Variants in SFMBT2 observed in about 807,000 individuals in gnomAD.
SFMBT2 encodes the protein scm-like with four MBT domains protein 2.
A neutral mutation model predicts 110.1 loss-of-function variants in SFMBT2; 38 were observed. The observed-to-expected ratio is 0.35, with a 90% CI of 0.27 to 0.45. The LOEUF (loss-of-function observed/expected upper bound fraction) is 0.45, where lower values mean the gene tolerates loss of function less well. Among genes scored for constraint, SFMBT2 ranks in the 20% least tolerant of loss-of-function variants. The pLI is 1.00. For synonymous variants in SFMBT2, 425 were observed against 425.4 expected, an observed-to-expected ratio of 1.00 and a Z score of 0.01; for missense variants, 1,011 against 1,094.9, an observed-to-expected ratio of 0.92 and a Z score of 1.08.
intron 4 of SFMBT2, chr10:7,320,660 AC>A (rs1843157962): frequency 2.3e-5 from 22 of 940,658 alleles, no homozygotes; most frequent in Non-Finnish European, 2.7e-5. Context: ...AATAGGAAGC[AC>A]TTTTCATTTT....
intron 14 of SFMBT2, 105 bp from the exon 15 acceptor site, chr10:7,197,792 A>C: frequency 6.9e-7 from 1 of 1,453,652 alleles, no homozygotes; most frequent in Non-Finnish European, 9.1e-7. Context: ...AGGACCACAC[A>C]GAGCTGTCCG....
chr10:7,215,901 GT>G lies in SFMBT2; in HGVS notation c.1330+4509del, dbSNP rs151168372. On this transcript the variant is annotated intron_variant, in intron 11 of 20. Coordinates refer to ENST00000397167, the MANE Select transcript of SFMBT2 (RefSeq NM_001387889.1). Reference sequence around the variant, plus strand: ...CATCCCAGCCACCAGGAGCAGCTCAGTGCCTAAGACTTGAGCACATTCTCAA... The same window carrying G: ...CATCCCAGCCACCAGGAGCAGCTCAGGCCTAAGACTTGAGCACATTCTCAA... 6.5e-3 allele frequency: 1,123 copies of G among 171,574 alleles called. 17 individuals carry two copies. The highest frequency in any genetic ancestry group is 0.025 in the African/African-American group (1,065 of 41,920). The allele number at this position is 171,574 out of a possible 1,614,324, so 10.6% of individuals were successfully genotyped here. A position where few individuals can be genotyped will look rare whatever the true frequency, so the allele number is the denominator to read the frequency against.
At chr10:7,325,779 C>G (rs531176048) in intron 4 of SFMBT2, among the ~76,000 whole-genome samples, 3 of 152,058 alleles carry the variant, frequency 2.0e-5, no homozygotes. Context: ...TGGCTGCTAT[C>G]GGGTAACGGT....
rs71382101 is a variant in SFMBT2, at chr10:7,342,396, CTTTTTTT to C, written c.436+25246_436+25252del. ...ATTTAGGAATTGCACTGGAGTGAGT[CTTTTTTT>C]TTTTTTTTTTTTTTTTTTTTTTTGA... On this transcript the variant is annotated intron_variant, in intron 4 of 20. Coordinates refer to ENST00000397167, the MANE Select transcript of SFMBT2 (RefSeq NM_001387889.1). 3.6e-4 allele frequency among the ~76,000 whole-genome samples: 25 copies of C among 69,654 alleles called. No individual in the cohort carries two copies. The East Asian group carries it at 4.2e-3, about 12-fold the overall frequency. The allele number at this position is 69,654 out of a possible 152,430, so 45.7% of individuals were successfully genotyped here. A position where few individuals can be genotyped will look rare whatever the true frequency, so the allele number is the denominator to read the frequency against.
At chr10:7,192,333 T>C (rs1193144330) in intron 15 of SFMBT2, among the ~76,000 whole-genome samples, 1 of 152,140 alleles carries the variant, frequency 6.6e-6, no homozygotes, top group Non-Finnish European at 1.5e-5. Context: ...TACGAGATCG[T>C]CATTCCTACT....
intron 4 of SFMBT2, among the ~76,000 whole-genome samples, chr10:7,324,332 A>G (rs1325701675): frequency 6.6e-6 from 1 of 152,214 alleles, no homozygotes; most frequent in Non-Finnish European, 1.5e-5. Context: ...AAGGTTTGCT[A>G]AACACTGCGG....
chr10:7,361,841 T>A (rs1050944318), intron 4 of SFMBT2, among the ~76,000 whole-genome samples: 1 of 152,164 alleles, frequency 6.6e-6, no homozygotes, highest in Non-Finnish European at 1.5e-5. Context: ...TCACACATAC[T>A]TACCTGCAAT....
At chr10:7,309,924 G>C (rs774614084) in intron 4 of SFMBT2, among the ~76,000 whole-genome samples, 30 of 151,952 alleles carry the variant, frequency 2.0e-4, no homozygotes, top group Non-Finnish European at 2.9e-4. Context: ...TCTAGACCAG[G>C]GTTTTTTAAT....
At chr10:7,236,631 C>T (rs1840265419) in intron 9 of SFMBT2, among the ~76,000 whole-genome samples, 1 of 152,142 alleles carries the variant, frequency 6.6e-6, no homozygotes, top group Non-Finnish European at 1.5e-5. Flanking sequence ...TTTCCTTCCT[C>T]ATGCCAATAC....
chr10:7,257,402 C>A (rs764195768), intron 7 of SFMBT2, among the ~76,000 whole-genome samples: 7 of 152,138 alleles, frequency 4.6e-5, no homozygotes, highest in Non-Finnish European at 8.8e-5. Context: ...AGGGACAGCA[C>A]CTGATTCAGG....
rs374875786 is a variant in SFMBT2 at position 7,171,688 on chromosome 10, AC to A, written c.2415+206del. ...CGTCCAGGAAAGAGGCGCTGTCTCC[AC>A]CCTGGGCACTCCATTCTGATGCCGA... On this transcript the variant is annotated intron_variant, in intron 19 of 20. Transcript: ENST00000397167. The surrounding 1 kb of genome is among the most constrained non-coding windows in gnomAD (Gnocchi z 4.9). 1.4e-6 allele frequency: 1 copy of A among 705,062 alleles called. No homozygotes were observed. The highest frequency in any genetic ancestry group is 7.0e-4 in the Middle Eastern group (1 of 1,434). The allele number at this position is 705,062 out of a possible 1,614,324, so 43.7% of individuals were successfully genotyped here.
In SFMBT2 at chr10:7,171,414, C is replaced by T. The variant is rs1001618998; in HGVS notation, c.2416-358G>A. 1.0e-6 allele frequency: 1 copy of T among 985,322 alleles called. No homozygotes were observed. The highest frequency in any genetic ancestry group is 1.7e-5 in the African/African-American group (1 of 57,228). The allele number at this position is 985,322 out of a possible 1,614,324, so 61.0% of individuals were successfully genotyped here. A position where few individuals can be genotyped will look rare whatever the true frequency, so the allele number is the denominator to read the frequency against. ...CCAAGCAGACACGAGACAGTGTCCC[C>T]CAGTGTTTCTGTAATGGTGGTGCCA... On this transcript the variant is annotated intron_variant, in intron 19 of 20. Coordinates refer to ENST00000397167, the MANE Select transcript of SFMBT2 (RefSeq NM_001387889.1). The surrounding 1 kb of genome is among the most constrained non-coding windows in gnomAD (Gnocchi z 4.9).
At chr10:7,352,878 G>A (rs1038041928) in intron 4 of SFMBT2, among the ~76,000 whole-genome samples, 18 of 152,116 alleles carry the variant, frequency 1.2e-4, no homozygotes, top group African/African-American at 3.9e-4. Flanking sequence ...AGGCGTGATG[G>A]TGGGCACCTG....
chr10:7,386,409 G>A (rs1845607462), intron 1 of SFMBT2, among the ~76,000 whole-genome samples: 1 of 152,082 alleles, frequency 6.6e-6, no homozygotes, highest in African/African-American at 2.4e-5. Flanking sequence ...AGGTGTTTGA[G>A]ACCAGCCTGG....
intron 4 of SFMBT2, among the ~76,000 whole-genome samples, chr10:7,312,423 A>G (rs1421271601): frequency 6.6e-6 from 1 of 152,214 alleles, no homozygotes; most frequent in African/African-American, 2.4e-5. Flanking sequence ...GAAGTAAAGC[A>G]CAAGGGAGCA....
chr10:7,186,702 G>A (rs900782864), intron 16 of SFMBT2, among the ~76,000 whole-genome samples: 1 of 152,100 alleles, frequency 6.6e-6, no homozygotes, highest in Non-Finnish European at 1.5e-5. Flanking sequence ...ATGGGAAGAT[G>A]CCAGCTCTCT....
chr10:7,175,775 T>C (rs910205429), intron 17 of SFMBT2, among the ~76,000 whole-genome samples: 2 of 152,126 alleles, frequency 1.3e-5, no homozygotes, highest in African/African-American at 4.8e-5. Context: ...TGAAAATTCA[T>C]CCTGTTTTAA....
intron 10 of SFMBT2, 46 bp downstream of exon 10, chr10:7,227,809 C>T (rs1839939125): frequency 6.5e-7 from 1 of 1,548,424 alleles, no homozygotes; most frequent in Non-Finnish European, 8.9e-7. Flanking sequence ...TTACGGTAGA[C>T]AAAATCTATG....
intron 9 of SFMBT2, among the ~76,000 whole-genome samples, chr10:7,233,908 A>C (rs1262470808): frequency 6.6e-6 from 1 of 152,242 alleles, no homozygotes; most frequent in Non-Finnish European, 1.5e-5. Context: ...CCCAGGAGCC[A>C]GTCTGTCTAT....
Sources: gnomAD v4.1 joint callset for allele counts (sites outside exome capture counted in the v4.1 genomes callset) on GRCh38, gnomAD v4.1.1 for gene constraint, Gnocchi (gnomAD v3.1) non-coding constraint, MANE v1.5 for transcripts, NCBI Gene and HGNC (gene_info 2026-07-23, HGNC 2026-07-21) for gene names.